Variants in TRAF3 observed in about 807,000 individuals in gnomAD.
TRAF3 encodes the protein TNF receptor-associated factor 3.
Under a neutral mutation model 62.3 loss-of-function variants are expected in TRAF3, and 13 were observed. The observed-to-expected ratio is 0.21, with a 90% CI of 0.14 to 0.33. The LOEUF is 0.33. TRAF3 is among the 10% of genes least tolerant of loss of function. TRAF3 has a pLI of 1.00. For synonymous variants in TRAF3, 269 were observed against 283.4 expected (o/e 0.95, Z 0.51); for missense variants, 440 against 741.8 (o/e 0.59, Z 4.73).
At chr14:102,783,821 A>G (rs896575710) in intron 1 of TRAF3, among the ~76,000 whole-genome samples, 2 of 152,162 alleles carry the variant, frequency 1.3e-5, no homozygotes, top group African/African-American at 4.8e-5. Flanking sequence ...TAGTGGTAGA[A>G]TGACCTTGGG....
chr14:102,870,583 C>T, intron 3 of TRAF3, 137 bp downstream of exon 3: 1 of 1,222,442 alleles, frequency 8.2e-7, no homozygotes, highest in South Asian at 1.4e-5. Context: ...CCGGGCCCAG[C>T]TTGTGAATCC....
intron 2 of TRAF3, among the ~76,000 whole-genome samples, chr14:102,842,272 A>G (rs1216623024): frequency 6.8e-6 from 1 of 148,036 alleles, no homozygotes; most frequent in Non-Finnish European, 1.5e-5. Flanking sequence ...AAAATAATAT[A>G]TATTTTATTT....
At chr14:102,857,886 T>G (rs1457029221) in intron 2 of TRAF3, among the ~76,000 whole-genome samples, 1 of 152,214 alleles carries the variant, frequency 6.6e-6, no homozygotes, top group Non-Finnish European at 1.5e-5. Context: ...ACAAATAGTT[T>G]CCAAATTCCA....
intron 1 of TRAF3, among the ~76,000 whole-genome samples, chr14:102,821,935 G>A (rs935535498): frequency 6.6e-6 from 1 of 152,110 alleles, no homozygotes; most frequent in South Asian, 2.1e-4. Flanking sequence ...CTAGCTATTC[G>A]AGAGGCTGAG....
chr14:102,876,135 G>A (rs117782617), intron 5 of TRAF3, among the ~76,000 whole-genome samples: 3 of 152,162 alleles, frequency 2.0e-5, no homozygotes, highest in Admixed American at 6.5e-5. Flanking sequence ...CCTGGAAGCA[G>A]AGTTGACTTA....
intron 1 of TRAF3, among the ~76,000 whole-genome samples, chr14:102,798,261 G>T (rs1467726591): frequency 6.8e-6 from 1 of 147,972 alleles, no homozygotes; most frequent in African/African-American, 2.5e-5. Flanking sequence ...TTGCTCTGTT[G>T]CCCAGGTTGG....
chr14:102,857,422 T>C (rs1887436110), intron 2 of TRAF3, among the ~76,000 whole-genome samples: 2 of 152,258 alleles, frequency 1.3e-5, no homozygotes, highest in African/African-American at 4.8e-5. Flanking sequence ...ATTATTTGTA[T>C]AAAGTGCAGC....
At chr14:102,796,553 T>G (rs1048414919) in intron 1 of TRAF3, among the ~76,000 whole-genome samples, 15 of 152,202 alleles carry the variant, frequency 9.9e-5, no homozygotes, top group African/African-American at 3.6e-4. Flanking sequence ...TGGACAGCCT[T>G]GGCGACTGAA....
intron 2 of TRAF3, among the ~76,000 whole-genome samples, chr14:102,850,608 C>T (rs781456545): frequency 2.1e-5 from 3 of 143,330 alleles, no homozygotes; most frequent in South Asian, 4.4e-4. Flanking sequence ...GCAGGAGAAT[C>T]GTTTGAACCT....
intron 1 of TRAF3, among the ~76,000 whole-genome samples, chr14:102,788,935 C>T (rs926906308): frequency 6.6e-6 from 1 of 152,216 alleles, no homozygotes; most frequent in African/African-American, 2.4e-5. Context: ...CACACCACTG[C>T]ACTCCAGCCT....
intron 1 of TRAF3, among the ~76,000 whole-genome samples, chr14:102,788,431 G>A (rs570614120): frequency 6.6e-6 from 1 of 152,242 alleles, no homozygotes; most frequent in East Asian, 1.9e-4. Context: ...GGAGGCTGGG[G>A]TGGGAGGATC....
In TRAF3 at chr14:102,903,407, G is replaced by A. The variant is rs761877084; in HGVS notation, c.1113G>A (p.Ala371=). The change falls in exon 11 of 12, where the codon GCG becomes GCA. Residue 371 remains alanine, a synonymous_variant. Transcript: ENST00000392745. This position sits in a 1 kb window ranked among gnomAD's most constrained non-coding sequence, Gnocchi z 6.4. ...AGCTGGAGAGCGTGGACAAGAGCGC[G>A]GGGCAAGTGGCTCGGAACACAGGTG... The part of the protein sequence containing the change: ...VTELESVDKS[A]GQVARNTGLL... 1.2e-5 allele frequency: 19 copies of A among 1,614,088 alleles called. No homozygotes were observed. Among genetic ancestry groups the A allele is most frequent in the Middle Eastern group, 1.6e-4 (1 of 6,062 alleles).
chr14:102,868,284 C>T (rs1051275874), intron 2 of TRAF3, among the ~76,000 whole-genome samples: 1 of 152,146 alleles, frequency 6.6e-6, no homozygotes, highest in South Asian at 2.1e-4. Context: ...CAAGAAAAAT[C>T]CTATAGTGCA....
rs528197068 is a variant in TRAF3 at position 102,894,100 on chromosome 14, G to A, written c.819+2683G>A. ...CTAGCACTTTGGGAGGCCGAGGCGG[G>A]CAGATTGCCTGAGCTCGGGAGTTCG... On this transcript the variant is annotated intron_variant, in intron 9 of 11. Transcript: ENST00000392745. Among the ~76,000 whole-genome samples, 9 of 152,120 alleles carry A rather than the reference G, an allele frequency of 5.9e-5. No individual in the cohort carries two copies. The South Asian group carries it at 1.7e-3, about 28-fold the overall frequency.
intron 6 of TRAF3, 28 bp from the exon 7 acceptor site, chr14:102,886,161 A>T: frequency 6.2e-7 from 1 of 1,610,476 alleles, no homozygotes; most frequent in Non-Finnish European, 8.5e-7. Context: ...TGTGTGTTTA[A>T]AGTTGATAGT....
intron 9 of TRAF3, among the ~76,000 whole-genome samples, chr14:102,893,949 T>G (rs1889865043): frequency 6.6e-6 from 1 of 152,266 alleles, no homozygotes; most frequent in African/African-American, 2.4e-5. Flanking sequence ...AATTTATTTC[T>G]TATTATAGAA....
At chr14:102,894,933 C>G (rs1248920941) in intron 9 of TRAF3, 1 of 337,286 alleles carries the variant, frequency 3.0e-6, no homozygotes, top group African/African-American at 2.2e-5. Flanking sequence ...ATTCCTTGGG[C>G]TCAAGTGGTC....
intron 1 of TRAF3, among the ~76,000 whole-genome samples, chr14:102,819,421 G>A (rs997458810): frequency 6.6e-6 from 1 of 152,212 alleles, no homozygotes; most frequent in Admixed American, 6.5e-5. Context: ...GGCAGGCACG[G>A]CAGTCTTGCT....
At chr14:102,876,605 AT>A in intron 6 of TRAF3, 80 bp downstream of exon 6, 1 of 1,551,798 alleles carries the variant, frequency 6.4e-7, no homozygotes. Flanking sequence ...CAATTCGTAG[AT>A]AATCCGTTCC....
Sources: gnomAD v4.1 joint callset for allele counts (sites outside exome capture counted in the v4.1 genomes callset) on GRCh38, gnomAD v4.1.1 for gene constraint, Gnocchi (gnomAD v3.1) non-coding constraint, MANE v1.5 for transcripts, NCBI Gene and HGNC (gene_info 2026-07-23, HGNC 2026-07-21) for gene names.